Variants in PBRM1 observed in about 807,000 individuals in gnomAD.
PBRM1 encodes protein polybromo-1.
PBRM1 carries 27 observed loss-of-function variants against 194.5 expected under a neutral mutation model. The observed-to-expected ratio is 0.14, with a 90% CI of 0.10 to 0.19. The LOEUF is 0.19. PBRM1 is among the 10% of genes least tolerant of loss of function. The pLI is 1.00. For missense variants in PBRM1, 1,466 were observed against 2,077.2 expected (o/e 0.71, Z 5.72); for synonymous variants, 655 against 693.2 (o/e 0.94, Z 0.87).
chr3:52,595,381 C>T (rs1052836330), intron 17 of PBRM1, among the ~76,000 whole-genome samples: 8 of 152,212 alleles, frequency 5.3e-5, no homozygotes, highest in African/African-American at 1.9e-4. Context: ...TGGATAAAAG[C>T]CATTTTAACT....
intron 15 of PBRM1, among the ~76,000 whole-genome samples, chr3:52,611,253 A>G (rs1461319585): frequency 2.6e-5 from 4 of 152,268 alleles, no homozygotes; most frequent in East Asian, 1.9e-4. Flanking sequence ...TCTATAGCTA[A>G]TAAGGAATAA....
chr3:52,679,458 T>C, intron 1 of PBRM1, 116 bp downstream of exon 2: 1 of 867,626 alleles, frequency 1.2e-6, no homozygotes, highest in Non-Finnish European at 1.8e-6. Flanking sequence ...AGACTATTAA[T>C]CAAGAGAATC....
At chr3:52,557,092 C>T (rs1469008106) in intron 26 of PBRM1, among the ~76,000 whole-genome samples, 1 of 152,140 alleles carries the variant, frequency 6.6e-6, no homozygotes, top group Non-Finnish European at 1.5e-5. Context: ...ATGTTCAAGG[C>T]CTGATTTCTA....
intron 21 of PBRM1, 152 bp from the exon 24 acceptor site, chr3:52,576,850 C>T (rs1473808855): frequency 4.0e-6 from 2 of 497,898 alleles, no homozygotes; most frequent in Non-Finnish European, 6.9e-6. Flanking sequence ...TTAATTTTTT[C>T]CCCCATTAAA....
intron 10 of PBRM1, among the ~76,000 whole-genome samples, chr3:52,641,203 C>T (rs953782112): frequency 1.3e-5 from 2 of 151,754 alleles, no homozygotes; most frequent in East Asian, 1.9e-4. Context: ...AATCCCAGCA[C>T]ATTCGGAGGC....
At chr3:52,679,431 A>G (rs941841694) in intron 1 of PBRM1, 143 bp downstream of exon 2, 11 of 691,954 alleles carry the variant, frequency 1.6e-5, no homozygotes, top group Non-Finnish European at 2.7e-5. Context: ...CTGAATACAT[A>G]ATGTTCATAA....
Position 52,664,222 on chromosome 3 carries a change from G to C in PBRM1, c.385-1946C>G, listed in dbSNP as rs570813118. On this transcript the variant is annotated intron_variant, in intron 3 of 29. Coordinates refer to ENST00000296302, the Ensembl canonical transcript of PBRM1. Reference sequence around the variant, plus strand: ...CACTCCAGCCTGGGTGACAGAGCAAGACTTTCTCTCTTTAAAAAAATAAAT... The same window carrying C: ...CACTCCAGCCTGGGTGACAGAGCAACACTTTCTCTCTTTAAAAAAATAAAT... Among the ~76,000 whole-genome samples the C allele has an allele frequency of 3.3e-5, 5 of 151,752 alleles. No individual in the cohort carries two copies. In the South Asian group the frequency reaches 6.2e-4, roughly 19 times the overall value.
upstream of PBRM1, among the ~76,000 whole-genome samples, chr3:52,682,715 T>C (rs559040755): frequency 9.8e-5 from 15 of 152,328 alleles, no homozygotes; most frequent in African/African-American, 3.4e-4. Flanking sequence ...CCTCTGATTA[T>C]CAGCTTGATG....
Position 52,617,249 on chromosome 3 carries a change from T to C in PBRM1, c.1818+13A>G. Reference sequence around the variant, plus strand: ...CAAAATGTGCCTACTTCAGGACCGCTGGCCCTCCTTACCTGGGAGCCCTCC... The same window carrying C: ...CAAAATGTGCCTACTTCAGGACCGCCGGCCCTCCTTACCTGGGAGCCCTCC... On this transcript the variant is annotated intron_variant, in intron 14 of 29. Coordinates refer to ENST00000296302, the Ensembl canonical transcript of PBRM1. 1 of 1,610,450 alleles carries C rather than the reference T, an allele frequency of 6.2e-7. No homozygotes were observed. The highest frequency in any genetic ancestry group is 8.5e-7 in the Non-Finnish European group (1 of 1,178,382).
intron 18 of PBRM1, among the ~76,000 whole-genome samples, chr3:52,587,899 T>C (rs964115012): frequency 3.3e-5 from 5 of 152,010 alleles, no homozygotes; most frequent in South Asian, 2.1e-4. Flanking sequence ...CCCTCATATA[T>C]ATATATATAC....
intron 18 of PBRM1, among the ~76,000 whole-genome samples, chr3:52,588,461 CT>C (rs781611002): frequency 6.6e-6 from 1 of 151,896 alleles, no homozygotes; most frequent in East Asian, 1.9e-4. Flanking sequence ...ATCTATGTCA[CT>C]CTACATAAAG....
intron 7 of PBRM1, 109 bp from the exon 9 acceptor site, chr3:52,644,898 A>T (rs954470444): frequency 3.3e-5 from 17 of 519,952 alleles, no homozygotes; most frequent in Non-Finnish European, 5.2e-5. Context: ...TACTTGGAGC[A>T]GACTTCCATT....
chr3:52,599,948 A>C (rs537160590), intron 17 of PBRM1, among the ~76,000 whole-genome samples: 2 of 152,314 alleles, frequency 1.3e-5, no homozygotes, highest in Non-Finnish European at 2.9e-5. Flanking sequence ...ATTGTGATAA[A>C]AAATCTATAA....
At chr3:52,551,330 C>T (rs1036804277) in intron 27 of PBRM1, among the ~76,000 whole-genome samples, 1 of 152,208 alleles carries the variant, frequency 6.6e-6, no homozygotes, top group Non-Finnish European at 1.5e-5. Context: ...CCCAGACCAT[C>T]AGCAGCTGGT....
chr3:52,554,151 C>A (rs1035532875), intron 27 of PBRM1, among the ~76,000 whole-genome samples: 1 of 152,204 alleles, frequency 6.6e-6, no homozygotes, highest in Admixed American at 6.5e-5. Flanking sequence ...AGTGAAAATG[C>A]ATTCCCTCCC....
At chr3:52,596,003 T>C (rs2093499806) in intron 17 of PBRM1, among the ~76,000 whole-genome samples, 1 of 152,206 alleles carries the variant, frequency 6.6e-6, no homozygotes, top group Non-Finnish European at 1.5e-5. Flanking sequence ...GGTATATTTG[T>C]CTGTTTTTAT....
Position 52,662,062 on chromosome 3 carries a change from G to A in PBRM1, c.528+71C>T, listed in dbSNP as rs2096736406. ...TTCTAGTTGCCCACAACAGCCCAGA[G>A]GGAATCACAAGCAGGGGCCCTCTCT... On this transcript the variant is annotated intron_variant, in intron 4 of 29. Coordinates refer to ENST00000296302, the Ensembl canonical transcript of PBRM1. 4.0e-6 allele frequency: 6 copies of A among 1,497,188 alleles called. No individual in the cohort carries two copies. In the South Asian group the frequency reaches 7.1e-5, roughly 18 times the overall value. 92.7% of individuals were successfully genotyped at this position (1,497,188 alleles called of 1,614,324 possible).
chr3:52,659,016 A>AGGACAATGACTACTTACT (rs1306236943), intron 4 of PBRM1, among the ~76,000 whole-genome samples: 1 of 152,232 alleles, frequency 6.6e-6, no homozygotes, highest in Non-Finnish European at 1.5e-5. Context: ...GACTACTTAC[A>AGGACAATGACTACTTACT]GGACAATGAC....
chr3:52,592,838 G>T (rs1353551916), intron 17 of PBRM1, among the ~76,000 whole-genome samples: 1 of 152,160 alleles, frequency 6.6e-6, no homozygotes, highest in Non-Finnish European at 1.5e-5. Flanking sequence ...CTCAGAGCTT[G>T]TTATTGGTCT....
Sources: allele counts gnomAD v4.1 joint callset (sites outside exome capture counted in the v4.1 genomes callset), GRCh38; gene constraint gnomAD v4.1.1; transcripts MANE v1.5; gene names NCBI Gene and HGNC (gene_info 2026-07-23, HGNC 2026-07-21).